Variants in MGMT observed in about 807,000 individuals in gnomAD.
MGMT encodes the protein methylated-DNA--protein-cysteine methyltransferase.
In MGMT, 14 loss-of-function variants were observed where a neutral mutation model predicts 15.9. The ratio of observed to expected loss-of-function variants is 0.88; its 90% CI spans 0.58 to 1.37. The LOEUF (loss-of-function observed/expected upper bound fraction) is 1.37. MGMT is among the 40% of genes most tolerant of loss of function. MGMT has a pLI of 0.00. For synonymous variants in MGMT, 130 were observed against 118.2 expected (o/e 1.10, Z -0.65); for missense variants, 282 against 268.1 (o/e 1.05, Z -0.36).
intron 2 of MGMT, among the ~76,000 whole-genome samples, chr10:129,560,724 C>A (rs529111386): frequency 6.6e-6 from 1 of 152,298 alleles, no homozygotes; most frequent in Non-Finnish European, 1.5e-5. Flanking sequence ...GTGACACATT[C>A]ATCAGCTGAA....
intron 1 of MGMT, among the ~76,000 whole-genome samples, chr10:129,525,621 G>A (rs996710609): frequency 5.3e-5 from 8 of 152,104 alleles, no homozygotes; most frequent in African/African-American, 1.7e-4. Flanking sequence ...AAGGTGCTGT[G>A]CGGTGCGGGG....
Position 129,525,394 on chromosome 10 carries a change from G to C in MGMT, c.-12-10847G>C, listed in dbSNP as rs185473467. ...AACAGATTTCCTTAGATGTCCGTCTGCTTCTGGGATCTGATGTGTAGGCAT... is the reference window on the plus strand; with the variant it reads ...AACAGATTTCCTTAGATGTCCGTCTCCTTCTGGGATCTGATGTGTAGGCAT... On this transcript the variant is annotated intron_variant, in intron 1 of 4. Transcript: ENST00000651593. 1.1e-4 allele frequency among the ~76,000 whole-genome samples: 16 copies of C among 152,272 alleles called. No homozygotes were observed. In the East Asian group the frequency reaches 3.1e-3, roughly 29 times the overall value.
intron 1 of MGMT, among the ~76,000 whole-genome samples, chr10:129,530,646 G>A (rs1248648143): frequency 6.6e-6 from 1 of 152,244 alleles, no homozygotes; most frequent in Non-Finnish European, 1.5e-5. Context: ...CTGCCAGAGG[G>A]AGCCTCGAAA....
At chr10:129,499,825 C>T (rs573494459) in intron 1 of MGMT, among the ~76,000 whole-genome samples, 8 of 152,328 alleles carry the variant, frequency 5.3e-5, no homozygotes, top group East Asian at 3.9e-4. Context: ...CACGTTTTTA[C>T]TCGAATTGGG....
At chr10:129,700,132 G>A (rs1023101619) in intron 2 of MGMT, 2 of 152,146 alleles carry the variant, frequency 1.3e-5, no homozygotes, top group African/African-American at 4.8e-5. Context: ...CCCACGGTGT[G>A]TGGTCAGTGC....
intron 2 of MGMT, among the ~76,000 whole-genome samples, chr10:129,707,417 G>A (rs1207549211): frequency 6.6e-6 from 1 of 151,904 alleles, no homozygotes; most frequent in Admixed American, 6.6e-5. Context: ...TGGGAATCAG[G>A]GGACTGCAGG....
At chr10:129,657,729 C>CACACA (rs1564750921) in intron 2 of MGMT, among the ~76,000 whole-genome samples, 8,787 of 122,120 alleles carry the variant, frequency 0.072, 509 homozygotes, top group South Asian at 0.11. Flanking sequence ...ACACACACAC[C>CACACA]CCCTCTCCCC....
chr10:129,564,437 CCTT>C (rs1482696337), intron 2 of MGMT, among the ~76,000 whole-genome samples: 3 of 78,890 alleles, frequency 3.8e-5, no homozygotes, highest in South Asian at 7.1e-4. Context: ...CTTCTCTTCC[CCTT>C]CTTCTTCCTC....
At chr10:129,684,633 A>C (rs547207646) in intron 2 of MGMT, among the ~76,000 whole-genome samples, 19 of 152,354 alleles carry the variant, frequency 1.2e-4, no homozygotes, top group Non-Finnish European at 2.2e-4. Context: ...AAAAGGAAGA[A>C]AACACAAAAA....
chr10:129,644,103 C>T (rs1847358893), intron 2 of MGMT, among the ~76,000 whole-genome samples: 1 of 152,188 alleles, frequency 6.6e-6, no homozygotes, highest in African/African-American at 2.4e-5. Context: ...AGTGTTCTTC[C>T]TAGCAGACAT....
intron 2 of MGMT, among the ~76,000 whole-genome samples, chr10:129,660,172 C>T (rs1014714185): frequency 6.6e-6 from 1 of 152,124 alleles, no homozygotes; most frequent in Non-Finnish European, 1.5e-5. Flanking sequence ...ATTGTGGTTT[C>T]GTTTCTGAGC....
intron 3 of MGMT, among the ~76,000 whole-genome samples, chr10:129,733,961 A>G (rs1235646364): frequency 6.6e-6 from 1 of 151,082 alleles, no homozygotes; most frequent in East Asian, 2.0e-4. Context: ...TGGTTACTGT[A>G]GCCTTGTAGT....
intron 2 of MGMT, among the ~76,000 whole-genome samples, chr10:129,574,521 A>C (rs527566883): frequency 9.8e-5 from 15 of 152,348 alleles, no homozygotes; most frequent in African/African-American, 3.1e-4. Context: ...CTATCTTTAA[A>C]TATAGGTACA....
chr10:129,732,300 C>T (rs1848507942), intron 3 of MGMT, among the ~76,000 whole-genome samples: 1 of 148,106 alleles, frequency 6.8e-6, no homozygotes. Flanking sequence ...GCTATCCCTC[C>T]CCCAACCCCC....
rs558642600 is a variant in MGMT, at chr10:129,525,497, G to A, written c.-12-10744G>A. ...TGCTGAGCCCTTTAATAAGACGCAC[G>A]TGCCTGGGGTGCTTCTGGAACCTTG... is the stretch of plus-strand genomic sequence containing the variant. On this transcript the variant is annotated intron_variant, in intron 1 of 4. Coordinates refer to ENST00000651593, the MANE Select transcript of MGMT (RefSeq NM_002412.5). Among the ~76,000 whole-genome samples the A allele has an allele frequency of 2.6e-5, 4 of 152,266 alleles. No homozygotes were observed. The South Asian group carries it at 8.3e-4, about 32-fold the overall frequency.
intron 4 of MGMT, among the ~76,000 whole-genome samples, chr10:129,761,763 G>A (rs957690094): frequency 2.2e-4 from 33 of 152,276 alleles, no homozygotes; most frequent in African/African-American, 6.0e-4. Context: ...CGCCCTTCTC[G>A]GCGTCCACAT....
chr10:129,617,863 T>C (rs979561315), intron 2 of MGMT, among the ~76,000 whole-genome samples: 1 of 152,190 alleles, frequency 6.6e-6, no homozygotes, highest in Non-Finnish European at 1.5e-5. Context: ...GTCTGCAAAG[T>C]GTGCTTCTTA....
chr10:129,758,988 C>T (rs911289746), intron 3 of MGMT, among the ~76,000 whole-genome samples: 1 of 152,242 alleles, frequency 6.6e-6, no homozygotes. Context: ...CCAAGGATGC[C>T]TTCCAAGGGG....
chr10:129,613,229 G>C (rs1287629457), intron 2 of MGMT, among the ~76,000 whole-genome samples: 2 of 152,220 alleles, frequency 1.3e-5, no homozygotes, highest in Non-Finnish European at 2.9e-5. Flanking sequence ...TCTGAGGCCT[G>C]CTATGCAGAA....
Sources: allele counts gnomAD v4.1 joint callset (sites outside exome capture counted in the v4.1 genomes callset), GRCh38; gene constraint gnomAD v4.1.1; transcripts MANE v1.5; gene names NCBI Gene and HGNC (gene_info 2026-07-23, HGNC 2026-07-21).